CEP192: variants seen among roughly 807,000 people sequenced by gnomAD.
CEP192 encodes centrosomal protein 192.
Under a neutral mutation model 271.8 loss-of-function variants are expected in CEP192, and 151 were observed. The observed-to-expected ratio is 0.56, with a 90% CI of 0.49 to 0.64. CEP192 has a LOEUF of 0.64. CEP192 is among the 30% of genes least tolerant of loss of function. The pLI is 0.00. For missense variants in CEP192, 2,910 were observed against 3,020.5 expected (o/e 0.96, Z 0.86); for synonymous variants, 995 against 1,076.5 (o/e 0.92, Z 1.48).
At chr18:13,080,231 G>A (rs201085458) in intron 30 of CEP192, among the ~76,000 whole-genome samples, 20,834 of 152,030 alleles carry the variant, frequency 0.14, 1,577 homozygotes, top group East Asian at 0.31. Context: ...CTTGGGCAGT[G>A]TGGCCATTTT....
chr18:13,102,390 C>T (rs1342132594), intron 38 of CEP192, among the ~76,000 whole-genome samples: 2 of 152,048 alleles, frequency 1.3e-5, no homozygotes, highest in Non-Finnish European at 2.9e-5. Context: ...CTTGTTGATT[C>T]GTCTCCACCA....
chr18:13,056,550 T>G lies in CEP192; in HGVS notation c.3960T>G (p.Ser1320=), dbSNP rs1166424760. 4 of 1,614,252 alleles carry G rather than the reference T, an allele frequency of 2.5e-6. No individual in the cohort carries two copies. The South Asian group carries it at 4.4e-5, about 18-fold the overall frequency. Residue 1320 remains serine (S), a synonymous_variant, in exon 19 of 45, where the codon TCT becomes TCG. Coordinates refer to ENST00000506447, the MANE Select transcript of CEP192 (RefSeq NM_032142.4). ...VGICLGSNIG[S]GWMGTSSLCN... ...TTTGTCTAGGATCAAATATCGGCTC[T>G]GGATGGATGGGTACCTCTTCCCTCT...
rs2144950498 is a variant in CEP192, at chr18:13,105,082, A to C, written c.7047+3A>C. On this transcript the variant is annotated splice_donor_region_variant and intron_variant, in intron 40 of 44. Coordinates refer to ENST00000506447, the MANE Select transcript of CEP192 (RefSeq NM_032142.4). ...TGGAAAGCCATGGGATCCAAAAAGT[A>C]GGTTTTGATATTTTTTTCCATAGGA... The C allele has an allele frequency of 6.2e-7, 1 of 1,604,978 alleles. No individual in the cohort carries two copies. The highest frequency in any genetic ancestry group is 1.1e-5 in the South Asian group (1 of 90,858).
chr18:12,997,892 T>G (rs2033359451), intron 1 of CEP192, among the ~76,000 whole-genome samples: 1 of 151,814 alleles, frequency 6.6e-6, no homozygotes, highest in Non-Finnish European at 1.5e-5. Context: ...GCCCAGCTAG[T>G]TTTTGTATTT....
At position 13,053,086 on chromosome 18, in the gene CEP192, G is replaced by A. The variant is rs745948670; in HGVS notation, c.3185G>A (p.Arg1062His). ...GCCACAGATGATGCCCTGGAGGACC[G>A]CAAGGTGGGCAGCCACTTGGATTAT... ...TTATDDALED[R>H]KSDITSELST... Residue 1062 changes from arginine to histidine, a missense_variant, in exon 18 of 45, where the codon CGC (arginine) becomes CAC (histidine). Physicochemically the swap from Arg to His is conservative, Grantham distance 29. Transcript: ENST00000506447. 7.5e-6 allele frequency: 12 copies of A among 1,598,856 alleles called. No individual in the cohort carries two copies. The highest frequency in any genetic ancestry group is 6.7e-5 in the East Asian group (3 of 44,712).
chr18:13,019,142 C>T lies in CEP192; in HGVS notation c.986C>T (p.Ser329Phe), dbSNP rs1170690257. ...ACAGATGGTATGTTACCATTTTCCT[C>T]TGGTACTTGGGGAACTGAGAAAGAA... ...RYTDGMLPFSSGTWGTEKEIE... is the reference protein window; with the variant it reads ...RYTDGMLPFSFGTWGTEKEIE... Residue 329 changes from serine (S) to phenylalanine (F), a missense_variant, in exon 9 of 45, where the codon TCT becomes TTT. Ser to Phe is a radical substitution (Grantham distance 155). Transcript: ENST00000506447. The T allele has an allele frequency of 1.3e-6, 2 of 1,544,738 alleles. No homozygotes were observed. The highest frequency in any genetic ancestry group is 4.0e-5 in the Admixed American group (2 of 49,882).
At chr18:13,025,301 C>T (rs536016389) in intron 9 of CEP192, among the ~76,000 whole-genome samples, 8 of 152,076 alleles carry the variant, frequency 5.3e-5, no homozygotes, top group African/African-American at 1.4e-4. Context: ...ACTACAGCCT[C>T]GAACTGCTAA....
intron 5 of CEP192, among the ~76,000 whole-genome samples, chr18:13,014,409 C>T (rs1056884920): frequency 1.3e-5 from 2 of 149,620 alleles, no homozygotes; most frequent in African/African-American, 4.9e-5. Context: ...GGAGCTATGC[C>T]ACTTTATCAG....
At chr18:13,059,802 T>G (rs2037310518) in intron 21 of CEP192, among the ~76,000 whole-genome samples, 4 of 152,180 alleles carry the variant, frequency 2.6e-5, no homozygotes, top group East Asian at 1.9e-4. Context: ...CACTGGGGGC[T>G]TCTAAATGTA....
At chr18:13,007,300 T>C (rs2034043843) in intron 3 of CEP192, among the ~76,000 whole-genome samples, 1 of 152,166 alleles carries the variant, frequency 6.6e-6, no homozygotes, top group Non-Finnish European at 1.5e-5. Flanking sequence ...AACTTATGAC[T>C]TAGTTTGAAA....
intron 30 of CEP192, among the ~76,000 whole-genome samples, chr18:13,074,047 C>T (rs1041963566): frequency 2.0e-5 from 3 of 152,138 alleles, no homozygotes; most frequent in Non-Finnish European, 4.4e-5. Flanking sequence ...AAGGAAGCAA[C>T]GGCAAGGCAG....
chr18:13,069,882 C>T (rs770784334), intron 27 of CEP192, 26 bp downstream of exon 27: 47 of 1,340,916 alleles, frequency 3.5e-5, no homozygotes, highest in Middle Eastern at 1.8e-4. Flanking sequence ...TATAATGGAC[C>T]GGGCACAGTG....
chr18:13,114,390 C>G (rs2040342355), intron 42 of CEP192, 139 bp downstream of exon 42: 1 of 859,250 alleles, frequency 1.2e-6, no homozygotes, highest in Admixed American at 2.7e-5. Context: ...TTCCTCTCGC[C>G]CAGAAAGTTC....
chr18:13,037,541 A>G (rs559218688), intron 12 of CEP192, among the ~76,000 whole-genome samples: 1 of 152,298 alleles, frequency 6.6e-6, no homozygotes, highest in Non-Finnish European at 1.5e-5. Flanking sequence ...CTTTAATGGC[A>G]TTAATGGATA....
intron 15 of CEP192, among the ~76,000 whole-genome samples, chr18:13,048,180 A>G (rs2036581189): frequency 6.6e-6 from 1 of 152,196 alleles, no homozygotes. Context: ...TCAGTGGAAA[A>G]TTCCAGAAAT....
rs577652963 is a variant in CEP192, at chr18:13,086,947, C to T, written c.5617-70C>T. 7.0e-4 allele frequency: 759 copies of T among 1,078,972 alleles called. 2 individuals carry two copies. Among genetic ancestry groups the T allele is most frequent in the African/African-American group, 6.0e-3 (378 of 62,932 alleles). The allele number at this position is 1,078,972 out of a possible 1,614,324, so 66.8% of individuals were successfully genotyped here. A position where few individuals can be genotyped will look rare whatever the true frequency, so the allele number is the denominator to read the frequency against. ...GTATTAAATCTTTCTGAATTTTCTT[C>T]TCACTGTAATTCAGTGTTTCGCTTT... On this transcript the variant is annotated intron_variant, in intron 30 of 44. Transcript: ENST00000506447.
At position 13,119,596 on chromosome 18, in the gene CEP192, G is replaced by A. The variant is rs907393696; in HGVS notation, c.7475+1953G>A. On this transcript the variant is annotated intron_variant, in intron 44 of 44. Coordinates refer to ENST00000506447, the MANE Select transcript of CEP192 (RefSeq NM_032142.4). ...ATCTCCACTAAAACTGCAAAAATTA[G>A]CCACGCATGGTGGCAGGCGCCTGTA... is the stretch of plus-strand genomic sequence containing the variant. Among the ~76,000 whole-genome samples the A allele has an allele frequency of 2.6e-5, 4 of 152,096 alleles. No individual in the cohort carries two copies. In the East Asian group the frequency reaches 5.8e-4, roughly 22 times the overall value.
At chr18:13,023,747 T>G (rs559951213) in intron 9 of CEP192, among the ~76,000 whole-genome samples, 2 of 152,200 alleles carry the variant, frequency 1.3e-5, no homozygotes, top group African/African-American at 4.8e-5. Context: ...TCATAGAATC[T>G]GTTAGTAAGT....
chr18:13,094,237 C>G (rs539332916), intron 34 of CEP192, among the ~76,000 whole-genome samples: 1 of 152,184 alleles, frequency 6.6e-6, no homozygotes, highest in Non-Finnish European at 1.5e-5. Flanking sequence ...AGAGGGAGTT[C>G]TTTAAAGATC....
Sources: allele counts gnomAD v4.1 joint callset (sites outside exome capture counted in the v4.1 genomes callset), GRCh38; gene constraint gnomAD v4.1.1; transcripts MANE v1.5; gene names NCBI Gene and HGNC (gene_info 2026-07-23, HGNC 2026-07-21).